Variants in ZNF584 observed in about 807,000 individuals in gnomAD.
The protein encoded by ZNF584 is zinc finger protein 584.
ZNF584 carries 12 observed loss-of-function variants against 14.7 expected under a neutral mutation model. The ratio of observed to expected loss-of-function variants is 0.82; its 90% confidence interval spans 0.52 to 1.32. The LOEUF (loss-of-function observed/expected upper bound fraction) is 1.32, where lower values mean the gene tolerates loss of function less well. Ranked by LOEUF, ZNF584 falls within the 40% of genes most tolerant of loss-of-function variation. The pLI, the probability that ZNF584 is intolerant of heterozygous loss-of-function variation, is 0.00. For synonymous variants in ZNF584, 204 were observed against 190.9 expected (o/e 1.07, Z -0.57); for missense variants, 478 against 518.8 (o/e 0.92, Z 0.76).
intron 3 of ZNF584, 46 bp downstream of exon 3, chr19:58,415,692 C>G (rs375317387): frequency 6.2e-7 from 1 of 1,607,772 alleles, no homozygotes; most frequent in Admixed American, 1.7e-5. Context: ...AGTGGGCTCA[C>G]AGAATGCTGA....
At chr19:58,401,649 C>G (rs970941977) in exon 1 of ZNF584, 1 of 151,462 alleles carries the variant, frequency 6.6e-6, no homozygotes, top group Admixed American at 6.6e-5. Flanking sequence ...GGACAGGAGG[C>G]TGCGGGGCCT....
chr19:58,410,527 A>C (rs1442872399), intron 2 of ZNF584, among the ~76,000 whole-genome samples: 1 of 17,378 alleles, frequency 5.8e-5, no homozygotes, highest in Non-Finnish European at 1.1e-4. Context: ...AAATATATAT[A>C]TATATATATA....
chr19:58,408,350 C>CG (rs1236641454), upstream of ZNF584: 1 of 152,306 alleles, frequency 6.6e-6, no homozygotes, highest in Non-Finnish European at 1.5e-5. Flanking sequence ...ACATTCACTG[C>CG]GGCTAGGACG....
At position 58,410,593 on chromosome 19, in the gene ZNF584, G is replaced by GTATA. The variant is rs1210056549; in HGVS notation, c.169+508_169+511dup. Among the ~76,000 whole-genome samples the GTATA allele has an allele frequency of 3.0e-4, 10 of 32,886 alleles. No individual in the cohort carries two copies. In the African/African-American group the frequency reaches 3.1e-3, roughly 10 times the overall value. The allele number at this position is 32,886 out of a possible 152,430, so 21.6% of individuals were successfully genotyped here. ...TATATGTATATATATGTATATATAT[G>GTATA]TATATATATGTATATATATGTGTAT... On this transcript the variant is annotated intron_variant, in intron 2 of 3. Coordinates refer to ENST00000306910, the MANE Select transcript of ZNF584 (RefSeq NM_173548.3).
intron 2 of ZNF584, among the ~76,000 whole-genome samples, chr19:58,413,826 T>C (rs1055264426): frequency 3.3e-5 from 5 of 151,432 alleles, no homozygotes; most frequent in African/African-American, 1.2e-4. Context: ...CTTTTCTTTT[T>C]TTCTTTTTTT....
chr19:58,412,393 T>C (rs962441814), intron 2 of ZNF584, among the ~76,000 whole-genome samples: 1 of 151,700 alleles, frequency 6.6e-6, no homozygotes, highest in Non-Finnish European at 1.5e-5. Flanking sequence ...GTATTTTTAG[T>C]AGAGACGGGG....
chr19:58,408,943 C>G lies in ZNF584; in HGVS notation c.-205C>G, dbSNP rs375521889. The G allele has an allele frequency of 9.9e-5, 52 of 524,664 alleles. 1 individual carries two copies. The highest frequency in any genetic ancestry group is 8.1e-4 in the East Asian group (23 of 28,374). 32.5% of individuals were successfully genotyped at this position (524,664 alleles called of 1,614,324 possible). A position where few individuals can be genotyped will look rare whatever the true frequency, so the allele number is the denominator to read the frequency against. ...CCATCTTCCTCAGACTTATCGCTCGCGGACAGGCGCCGTGGGTCTCCCGGG... is the reference window on the plus strand; with the variant it reads ...CCATCTTCCTCAGACTTATCGCTCGGGGACAGGCGCCGTGGGTCTCCCGGG... On this transcript the variant is annotated 5_prime_UTR_variant, in exon 1 of 4. Coordinates refer to ENST00000306910, the MANE Select transcript of ZNF584 (RefSeq NM_173548.3).
In ZNF584 at chr19:58,410,020, T is replaced by C; in HGVS notation, c.98T>C (p.Leu33Pro). ...TVYFSREEWG[L>P]LNVTQKGLYR... Reference sequence around the variant, plus strand: ...TATTTCTCCAGGGAGGAGTGGGGGCTCCTTAATGTGACCCAGAAGGGCCTA... The same window carrying C: ...TATTTCTCCAGGGAGGAGTGGGGGCCCCTTAATGTGACCCAGAAGGGCCTA... The change falls in exon 2 of 4, where the codon CTC (leucine) becomes CCC (proline). Residue 33 changes from leucine to proline, a missense_variant. By Grantham distance (98) the Leu-to-Pro change is moderately conservative. This residue lies in a region of ZNF584 where 189 missense variants were observed against 177.9 expected (regional missense o/e 1.06). Transcript: ENST00000306910. The C allele has an allele frequency of 6.2e-7, 1 of 1,613,986 alleles. No homozygotes were observed. Among genetic ancestry groups the C allele is most frequent in the Non-Finnish European group, 8.5e-7 (1 of 1,179,986 alleles).
chr19:58,412,314 A>C (rs2052586449), intron 2 of ZNF584, among the ~76,000 whole-genome samples: 5 of 146,424 alleles, frequency 3.4e-5, no homozygotes, highest in Admixed American at 2.8e-4. Context: ...GGTTCACGCC[A>C]TTCTCCTGCC....
At chr19:58,407,496 G>A (rs1356979750), upstream of ZNF584, among the ~76,000 whole-genome samples, 3 of 152,224 alleles carry the variant, frequency 2.0e-5, no homozygotes, top group East Asian at 5.8e-4. Context: ...CGGCCCTTGG[G>A]TAGAATGTGT....
In ZNF584 at chr19:58,418,088, T is replaced by C. The variant is rs915293511; in HGVS notation, c.*304T>C. On this transcript the variant is annotated 3_prime_UTR_variant, in exon 4 of 4. Coordinates refer to ENST00000306910, the MANE Select transcript of ZNF584 (RefSeq NM_173548.3). ...CCTTGCTCTAAACAGTAGAGAATCG[T>C]TAATAGTGGAGCCCAAAACAGGCCT... The C allele has an allele frequency of 2.9e-5, 10 of 339,304 alleles. No homozygotes were observed. The highest frequency in any genetic ancestry group is 1.0e-4 in the African/African-American group (5 of 48,394). The allele number at this position is 339,304 out of a possible 1,614,324, so 21.0% of individuals were successfully genotyped here. A position where few individuals can be genotyped will look rare whatever the true frequency, so the allele number is the denominator to read the frequency against.
At position 58,409,168 on chromosome 19, in the gene ZNF584, G is replaced by T. The variant is rs1416448890; in HGVS notation, c.18+3G>T. The T allele has an allele frequency of 7.0e-7, 1 of 1,438,662 alleles. No homozygotes were observed. The allele number at this position is 1,438,662 out of a possible 1,614,324, so 89.1% of individuals were successfully genotyped here. On this transcript the variant is annotated splice_donor_region_variant and intron_variant, in intron 1 of 3. Transcript: ENST00000306910. ...GTCCAATGGCCGGGGAGGCGGAGGT[G>T]AGCAGAGGATGCCTCCGAGGAATGA... is the stretch of plus-strand genomic sequence containing the variant.
intron 1 of ZNF584, 28 bp from the exon 2 acceptor site, chr19:58,409,909 GTTGT>G: frequency 1.2e-6 from 2 of 1,613,992 alleles, no homozygotes; most frequent in African/African-American, 1.3e-5. Flanking sequence ...CCATATTTTG[GTTGT>G]TTTTTTCTGC....
chr19:58,403,361 T>C (rs1053085582), intron 1 of ZNF584, among the ~76,000 whole-genome samples: 2 of 152,208 alleles, frequency 1.3e-5, no homozygotes, highest in African/African-American at 4.8e-5. Context: ...GCTACCAAGT[T>C]ATGAAAGGCA....
chr19:58,412,237 C>T (rs372305801), intron 2 of ZNF584, among the ~76,000 whole-genome samples: 2,649 of 121,768 alleles, frequency 0.022, 111 homozygotes, highest in African/African-American at 0.1. Context: ...GAGTCTCGCT[C>T]TGTCGCCCAG....
Position 58,417,722 on chromosome 19 carries a change from A to C in ZNF584, c.1204A>C (p.Lys402Gln), listed in dbSNP as rs201872989. The change falls in exon 4 of 4, where the codon AAA becomes CAA. Residue 402 changes from lysine (K) to glutamine (Q), a missense_variant. Lys to Gln is a moderately conservative substitution (Grantham distance 53, BLOSUM62 1). Transcript: ENST00000306910. ...TAGTTCCACCCTCCTTCAGCACAAG[A>C]AAGTCCATACTCCAGAAAGGCGTCA... ...KHSSTLLQHKKVHTPERRQED... is the reference protein window; with the variant it reads ...KHSSTLLQHKQVHTPERRQED... 7.2e-5 allele frequency: 116 copies of C among 1,614,042 alleles called. No individual in the cohort carries two copies. The highest frequency in any genetic ancestry group is 9.6e-5 in the Non-Finnish European group (113 of 1,179,992).
At chr19:58,410,197 G>A in intron 2 of ZNF584, 106 bp downstream of exon 2, 1 of 1,398,386 alleles carries the variant, frequency 7.2e-7, no homozygotes, top group Non-Finnish European at 9.5e-7. Context: ...TTCCTTCCCA[G>A]ATTCCCTGTT....
intron 2 of ZNF584, among the ~76,000 whole-genome samples, chr19:58,412,376 AT>A (rs2052588102): frequency 6.6e-6 from 1 of 150,774 alleles, no homozygotes; most frequent in Non-Finnish European, 1.5e-5. Flanking sequence ...CGCCCGGCTA[AT>A]TTTTTGTATT....
rs767418840 is a variant in ZNF584 at position 58,417,552 on chromosome 19, G to T, written c.1034G>T (p.Trp345Leu). 6.2e-7 allele frequency: 1 copy of T among 1,614,208 alleles called. No individual in the cohort carries two copies. The highest frequency in any genetic ancestry group is 8.5e-7 in the Non-Finnish European group (1 of 1,180,040). ...YVTRSGLYQHWKVHTGERPYE... is the reference protein window; with the variant it reads ...YVTRSGLYQHLKVHTGERPYE... ...ACCCGTTCAGGCCTCTATCAGCACT[G>T]GAAAGTCCACACTGGGGAACGGCCC... The change falls in exon 4 of 4, where the codon TGG (tryptophan) becomes TTG (leucine). Residue 345 changes from tryptophan (W) to leucine (L), a missense_variant. Trp to Leu is a moderately conservative substitution (Grantham distance 61, BLOSUM62 -2). Coordinates refer to ENST00000306910, the MANE Select transcript of ZNF584 (RefSeq NM_173548.3).
Sources: allele counts gnomAD v4.1 joint callset (sites outside exome capture counted in the v4.1 genomes callset), GRCh38; gene constraint gnomAD v4.1.1; regional missense constraint gnomAD v4.1.1; transcripts MANE v1.5; gene names NCBI Gene and HGNC (gene_info 2026-07-23, HGNC 2026-07-21).